The following SH3GL2 variants were observed in gnomAD, a reference collection of about 807,000 sequenced individuals.
SH3GL2 encodes the protein endophilin-A1.
SH3GL2 carries 24 observed loss-of-function variants against 46.0 expected under a neutral mutation model. That is an observed-to-expected ratio of 0.52 (90% CI 0.38 to 0.73). SH3GL2 has a LOEUF of 0.73. Ranked by LOEUF, SH3GL2 falls within the 30% of genes least tolerant of loss-of-function variation. The probability of loss-of-function intolerance (pLI) is 0.00; values close to 1 mark genes in which losing one functional copy is unlikely to be tolerated. For missense variants in SH3GL2, 413 were observed against 424.2 expected, an observed-to-expected ratio of 0.97 and a Z score of 0.23; for synonymous variants, 196 against 147.1, an observed-to-expected ratio of 1.33 and a Z score of -2.40.
chr9:17,681,771 C>A (rs1820774446), intron 1 of SH3GL2, among the ~76,000 whole-genome samples: 3 of 151,940 alleles, frequency 2.0e-5, no homozygotes, highest in East Asian at 1.9e-4. Context: ...AATAGGCAAC[C>A]AAAGAATAGG....
intron 1 of SH3GL2, among the ~76,000 whole-genome samples, chr9:17,653,415 C>T (rs1820000568): frequency 6.6e-6 from 1 of 152,128 alleles, no homozygotes; most frequent in Non-Finnish European, 1.5e-5. Flanking sequence ...TCTTATATCT[C>T]ATTCTTTTTA....
At chr9:17,772,262 A>T (rs1022775831) in intron 3 of SH3GL2, among the ~76,000 whole-genome samples, 2 of 152,362 alleles carry the variant, frequency 1.3e-5, no homozygotes, top group Admixed American at 6.5e-5. Flanking sequence ...TACTCATCTT[A>T]CAATTGTAAT....
intron 1 of SH3GL2, among the ~76,000 whole-genome samples, chr9:17,666,000 C>T (rs183579295): frequency 2.1e-4 from 32 of 150,770 alleles, no homozygotes; most frequent in Admixed American, 1.9e-3. Flanking sequence ...GTAACTCCAC[C>T]GCCTAAGAAA....
At chr9:17,670,396 TC>T (rs1820443986) in intron 1 of SH3GL2, among the ~76,000 whole-genome samples, 1 of 152,220 alleles carries the variant, frequency 6.6e-6, no homozygotes, top group South Asian at 2.1e-4. Flanking sequence ...AATAGTTTTT[TC>T]TACCTCCTGT....
chr9:17,717,879 C>G (rs1821800366), intron 1 of SH3GL2, among the ~76,000 whole-genome samples: 1 of 152,060 alleles, frequency 6.6e-6, no homozygotes, highest in African/African-American at 2.4e-5. Flanking sequence ...GTCTGTTATG[C>G]TTTGACCTTT....
At chr9:17,648,919 A>G (rs1206777150) in intron 1 of SH3GL2, among the ~76,000 whole-genome samples, 2 of 152,228 alleles carry the variant, frequency 1.3e-5, no homozygotes, top group East Asian at 1.9e-4. Context: ...CCAAATTATT[A>G]TGGTGAAACC....
intron 1 of SH3GL2, among the ~76,000 whole-genome samples, chr9:17,607,243 C>T (rs2134573310): frequency 6.6e-6 from 1 of 152,254 alleles, no homozygotes; most frequent in Admixed American, 6.5e-5. Context: ...TGATGTAGTC[C>T]ATTGCTCCAA....
intron 4 of SH3GL2, 52 bp from the exon 5 acceptor site, chr9:17,787,328 G>C: frequency 1.3e-6 from 2 of 1,520,566 alleles, no homozygotes; most frequent in Non-Finnish European, 1.8e-6. Flanking sequence ...CTGTTATTGC[G>C]AGTGCATTTC....
intron 1 of SH3GL2, among the ~76,000 whole-genome samples, chr9:17,604,546 T>G (rs1403467135): frequency 6.6e-6 from 1 of 152,160 alleles, no homozygotes; most frequent in Non-Finnish European, 1.5e-5. Flanking sequence ...GGCAATTACT[T>G]GTTAGTTCTC....
chr9:17,583,743 G>T (rs1471543621), intron 1 of SH3GL2, among the ~76,000 whole-genome samples: 1 of 151,884 alleles, frequency 6.6e-6, no homozygotes, highest in Non-Finnish European at 1.5e-5. Flanking sequence ...TCCTTAACTG[G>T]GAAAATTTCA....
At chr9:17,595,764 G>GCCAGC (rs1818558097) in intron 1 of SH3GL2, among the ~76,000 whole-genome samples, 1 of 152,026 alleles carries the variant, frequency 6.6e-6, no homozygotes, top group African/African-American at 2.4e-5. Flanking sequence ...AATGAAAAAA[G>GCCAGC]CCAGCCATAA....
intron 2 of SH3GL2, among the ~76,000 whole-genome samples, chr9:17,751,047 C>G (rs1277165819): frequency 6.6e-6 from 1 of 152,250 alleles, no homozygotes; most frequent in East Asian, 1.9e-4. Flanking sequence ...ATTCAGAATT[C>G]TAAGCTGAGG....
rs200175813 is a variant in SH3GL2, at chr9:17,647,429, GTCTCTC to G, written c.45+68148_45+68153del. On this transcript the variant is annotated intron_variant, in intron 1 of 8. Transcript: ENST00000380607. ...TGTTAGTTTCTCTCTCTCTCTCTCT[GTCTCTC>G]TCTCTACCGTTTGAGGAAACTGATG... Among the ~76,000 whole-genome samples the G allele has an allele frequency of 1.1e-3, 99 of 91,812 alleles. 3 individuals carry two copies. In the East Asian group the frequency reaches 0.027, roughly 25 times the overall value. 60.2% of individuals were successfully genotyped at this position (91,812 alleles called of 152,430 possible). A position where few individuals can be genotyped will look rare whatever the true frequency, so the allele number is the denominator to read the frequency against.
intron 1 of SH3GL2, among the ~76,000 whole-genome samples, chr9:17,705,211 A>G (rs1332083642): frequency 1.3e-5 from 2 of 152,162 alleles, no homozygotes; most frequent in Admixed American, 6.6e-5. Context: ...CACACCAGTC[A>G]GAATGACTGT....
chr9:17,640,916 T>G (rs1819665153), intron 1 of SH3GL2, among the ~76,000 whole-genome samples: 1 of 152,160 alleles, frequency 6.6e-6, no homozygotes, highest in African/African-American at 2.4e-5. Flanking sequence ...CTTTTAAAAT[T>G]GATTTCTAGG....
chr9:17,604,487 T>C (rs755652429), intron 1 of SH3GL2, among the ~76,000 whole-genome samples: 4 of 152,378 alleles, frequency 2.6e-5, no homozygotes, highest in Middle Eastern at 3.4e-3. Context: ...GTTACTGGCA[T>C]GTGCTGCAAA....
chr9:17,782,889 T>G (rs1823851161), intron 3 of SH3GL2, among the ~76,000 whole-genome samples: 1 of 152,138 alleles, frequency 6.6e-6, no homozygotes, highest in Non-Finnish European at 1.5e-5. Context: ...TTCATAGTAT[T>G]AGGGCTGCTG....
Position 17,793,439 on chromosome 9 carries a change from T to A in SH3GL2, c.801T>A (p.Thr267=), listed in dbSNP as rs768810695. ...PKPRMSLEFP[T]GDSTQPNGGL... ...CACGAATGAGCCTGGAGTTTCCAACTGGAGACAGTACTCAGCCCAATGGGG... is the reference window on the plus strand; with the variant it reads ...CACGAATGAGCCTGGAGTTTCCAACAGGAGACAGTACTCAGCCCAATGGGG... The change falls in exon 8 of 9, where the codon ACT becomes ACA. Residue 267 remains threonine, a synonymous_variant. Transcript: ENST00000380607. 11 of 1,612,126 alleles carry A rather than the reference T, an allele frequency of 6.8e-6. No homozygotes were observed. In the East Asian group the frequency reaches 2.5e-4, roughly 36 times the overall value.
chr9:17,658,534 G>GT (rs1820143172), intron 1 of SH3GL2, among the ~76,000 whole-genome samples: 1 of 152,186 alleles, frequency 6.6e-6, no homozygotes. Flanking sequence ...AATGTGTACT[G>GT]TATGTGCCAG....
Sources: gnomAD v4.1 joint callset for allele counts (sites outside exome capture counted in the v4.1 genomes callset) on GRCh38, gnomAD v4.1.1 for gene constraint, MANE v1.5 for transcripts, NCBI Gene and HGNC (gene_info 2026-07-23, HGNC 2026-07-21) for gene names.